Variants in NRG4 observed in about 807,000 individuals in gnomAD.
NRG4 encodes the protein neuregulin 4.
Under a neutral mutation model 15.0 loss-of-function variants are expected in NRG4, and 10 were observed. That is an observed-to-expected ratio of 0.67 (90% CI 0.41 to 1.13). NRG4 has a LOEUF of 1.13. Ranked by LOEUF, NRG4 falls within the 50% of genes most tolerant of loss-of-function variation. NRG4 has a pLI of 0.00. For synonymous variants in NRG4, 41 were observed against 50.1 expected (o/e 0.82, Z 0.77); for missense variants, 139 against 140.2 (o/e 0.99, Z 0.04).
intron 4 of NRG4, among the ~76,000 whole-genome samples, chr15:75,957,447 C>T (rs964610903): frequency 1.3e-5 from 2 of 152,192 alleles, no homozygotes; most frequent in African/African-American, 4.8e-5. Flanking sequence ...TCTAGTTTTG[C>T]TTCTTTCCAA....
chr15:76,055,110 A>G (rs1258239424), intron 2 of NRG4, among the ~76,000 whole-genome samples: 1 of 151,934 alleles, frequency 6.6e-6, no homozygotes, highest in Non-Finnish European at 1.5e-5. Context: ...TGAAACCCCA[A>G]CTCTACTGAA....
At chr15:75,955,249 C>T (rs1314755979) in intron 5 of NRG4, among the ~76,000 whole-genome samples, 1 of 152,132 alleles carries the variant, frequency 6.6e-6, no homozygotes, top group Non-Finnish European at 1.5e-5. Context: ...TTTTTGGACT[C>T]TTAGCTCCAT....
At chr15:76,019,497 G>C (rs2035085809) in intron 5 of NRG4, among the ~76,000 whole-genome samples, 1 of 152,192 alleles carries the variant, frequency 6.6e-6, no homozygotes, top group South Asian at 2.1e-4. Context: ...GCGTAGGCAC[G>C]TGAGGGAATT....
chr15:75,983,502 C>T (rs1460165756), intron 3 of NRG4, among the ~76,000 whole-genome samples: 1 of 152,076 alleles, frequency 6.6e-6, no homozygotes, highest in Non-Finnish European at 1.5e-5. Flanking sequence ...AAGGTCCTAA[C>T]CACAATTAGA....
intron 3 of NRG4, among the ~76,000 whole-genome samples, chr15:75,990,671 G>GTTTTTT (rs374504639): frequency 9.2e-5 from 12 of 130,608 alleles, no homozygotes; most frequent in African/African-American, 1.5e-4. Flanking sequence ...GTTGGTAATT[G>GTTTTTT]TTTTTTTTTT....
intron 5 of NRG4, among the ~76,000 whole-genome samples, chr15:76,018,230 C>T (rs144599879): frequency 6.6e-6 from 1 of 152,150 alleles, no homozygotes; most frequent in African/African-American, 2.4e-5. Flanking sequence ...ATTCCTCTAA[C>T]CTTTTTTCAT....
chr15:76,010,734 T>A (rs1205545893), intron 2 of NRG4, among the ~76,000 whole-genome samples: 2 of 152,074 alleles, frequency 1.3e-5, no homozygotes, highest in Non-Finnish European at 2.9e-5. Flanking sequence ...AAAATAAAAT[T>A]AACATTACAT....
chr15:75,952,605 T>C (rs902778864), intron 5 of NRG4, among the ~76,000 whole-genome samples: 1 of 151,392 alleles, frequency 6.6e-6, no homozygotes, highest in Non-Finnish European at 1.5e-5. Context: ...TTTTTTTTTT[T>C]AAGAGATGGG....
In NRG4 at chr15:76,055,442, T is replaced by G. The variant is rs534027871; in HGVS notation, c.-262+1512A>C. On this transcript the variant is annotated intron_variant, in intron 2 of 8. Transcript: ENST00000563910. ...TCTGTCTCTTCATCCTTAAAATCAC[T>G]GTGCTACCATTGTTTACAAAGAATC... Among the ~76,000 whole-genome samples, 17 of 152,376 alleles carry G rather than the reference T, an allele frequency of 1.1e-4. No homozygotes were observed. In the Middle Eastern group the frequency reaches 0.01, roughly 92 times the overall value.
chr15:75,945,913 T>C (rs1171794610), intron 5 of NRG4: 1 of 152,146 alleles, frequency 6.6e-6, no homozygotes, highest in Non-Finnish European at 1.5e-5. Context: ...AGTTTATAAA[T>C]TGGACACAGT....
intron 3 of NRG4, among the ~76,000 whole-genome samples, chr15:75,962,475 A>G (rs1284266836): frequency 1.3e-5 from 2 of 148,804 alleles, no homozygotes; most frequent in Non-Finnish European, 3.0e-5. Context: ...TTCTTCTTCA[A>G]TGATCTACAC....
downstream of NRG4, chr15:75,938,348 A>G (rs987847015): frequency 1.3e-5 from 2 of 152,246 alleles, no homozygotes; most frequent in African/African-American, 4.8e-5. Flanking sequence ...TAGAGTTACC[A>G]TATTATAATA....
rs962603282 is a variant in NRG4, at chr15:75,948,463, A to AC, written c.332-4810_332-4809insG. Among the ~76,000 whole-genome samples, 8 of 151,900 alleles carry AC rather than the reference A, an allele frequency of 5.3e-5. 1 individual carries two copies. Among genetic ancestry groups the AC allele is most frequent in the Admixed American group, 1.3e-4 (2 of 15,266 alleles). On this transcript the variant is annotated intron_variant, in intron 5 of 5. Transcript: ENST00000394907. ...TACAGGCACGTGCCACCATGCCCAGATAATGTTTTGTATTTTTAGTAGAGA... is the reference window on the plus strand; with the variant it reads ...TACAGGCACGTGCCACCATGCCCAGACTAATGTTTTGTATTTTTAGTAGAGA...
intron 5 of NRG4, among the ~76,000 whole-genome samples, chr15:75,954,525 G>T (rs2032112411): frequency 6.6e-6 from 1 of 150,398 alleles, no homozygotes; most frequent in Non-Finnish European, 1.5e-5. Context: ...CGCCTCTGTG[G>T]TTCAAGCTAT....
chr15:75,965,149 C>CG (rs1000809615), intron 3 of NRG4, among the ~76,000 whole-genome samples: 7 of 151,532 alleles, frequency 4.6e-5, no homozygotes, highest in African/African-American at 1.7e-4. Context: ...GGCGTGAACC[C>CG]GGGAGGCGGA....
intron 3 of NRG4, among the ~76,000 whole-genome samples, chr15:75,983,296 T>A (rs965815479): frequency 6.6e-6 from 1 of 152,114 alleles, no homozygotes; most frequent in Non-Finnish European, 1.5e-5. Context: ...AACAAAGACA[T>A]TGAGATCTGA....
At chr15:76,017,241 A>G, upstream of NRG4, among the ~76,000 whole-genome samples, 1 of 139,172 alleles carries the variant, frequency 7.2e-6, no homozygotes, top group Non-Finnish European at 1.5e-5. Context: ...TTCTTTGCAT[A>G]TAAGATGGGT....
At chr15:75,996,671 A>T (rs58789594) in intron 3 of NRG4, among the ~76,000 whole-genome samples, 6,011 of 152,228 alleles carry the variant, frequency 0.039, 212 homozygotes, top group African/African-American at 0.094. Context: ...TGCTTAGATC[A>T]TTCGTCTACA....
chr15:75,962,936 A>G (rs1189948507), intron 3 of NRG4, among the ~76,000 whole-genome samples: 1 of 152,238 alleles, frequency 6.6e-6, no homozygotes, highest in Non-Finnish European at 1.5e-5. Flanking sequence ...TACTAAATTA[A>G]TTATCTTCCT....
Sources: allele counts gnomAD v4.1 joint callset (sites outside exome capture counted in the v4.1 genomes callset), GRCh38; gene constraint gnomAD v4.1.1; transcripts MANE v1.5; gene names NCBI Gene and HGNC (gene_info 2026-07-23, HGNC 2026-07-21).